Variants in PCDHA11 observed in about 807,000 individuals in gnomAD.
PCDHA11 encodes protocadherin alpha 11.
Under a neutral mutation model 70.3 loss-of-function variants are expected in PCDHA11, and 61 were observed. That is an observed-to-expected ratio of 0.87 (90% confidence interval 0.71 to 1.07). PCDHA11 has a LOEUF of 1.07. Among genes scored for constraint, PCDHA11 ranks in the 50% least tolerant of loss-of-function variants. The probability of loss-of-function intolerance (pLI) is 0.00; values close to 1 mark genes in which losing one functional copy is unlikely to be tolerated. For synonymous variants in PCDHA11, 633 were observed against 555.1 expected, an observed-to-expected ratio of 1.14 and a Z score of -1.97; for missense variants, 1,324 against 1,237.5, an observed-to-expected ratio of 1.07 and a Z score of -1.05.
chr5:140,914,364 A>T lies in PCDHA11; in HGVS notation c.2391+42870A>T, dbSNP rs1256559741. 2.0e-5 allele frequency among the ~76,000 whole-genome samples: 3 copies of T among 152,096 alleles called. No individual in the cohort carries two copies. The East Asian group carries it at 5.8e-4, about 29-fold the overall frequency. On this transcript the variant is annotated intron_variant, in intron 1 of 3. Transcript: ENST00000398640. ...CTCTTTTTGGAGTTTTTGTCTTGAG[A>T]TCTATTTTATCTGTTATAAGTGTAG...
At chr5:140,937,023 A>G (rs2091268625) in intron 1 of PCDHA11, among the ~76,000 whole-genome samples, 1 of 150,410 alleles carries the variant, frequency 6.6e-6, no homozygotes. Flanking sequence ...TTAACAAGGT[A>G]TATTCTTCCA....
chr5:140,876,754 C>T, intron 1 of PCDHA11: 2 of 1,614,210 alleles, frequency 1.2e-6, no homozygotes, highest in Non-Finnish European at 1.7e-6. Context: ...GGTGACTGCG[C>T]GGGATGGGGG....
chr5:140,896,227 A>G (rs1332090647), intron 1 of PCDHA11, among the ~76,000 whole-genome samples: 1 of 152,230 alleles, frequency 6.6e-6, no homozygotes, highest in Non-Finnish European at 1.5e-5. Flanking sequence ...TCTTTATAGT[A>G]GAATGACTTA....
In PCDHA11 at chr5:140,978,987, C is replaced by T; in HGVS notation, c.2430C>T (p.Ser810=). 4 of 1,614,162 alleles carry T rather than the reference C, an allele frequency of 2.5e-6. No homozygotes were observed. In the South Asian group the frequency reaches 3.3e-5, roughly 13 times the overall value. The change falls in exon 2 of 4, where the codon TCC becomes TCT. Residue 810 remains serine (S), a synonymous_variant. Transcript: ENST00000398640. ...QPNPDWRYSA[S]LRAGMHSSVH... ...ACCCTGACTGGCGTTACTCTGCCTC[C>T]CTGAGAGCAGGCATGCACAGGTATG...
chr5:141,010,525 C>A lies in PCDHA11; in HGVS notation c.*588C>A. On this transcript the variant is annotated 3_prime_UTR_variant, in exon 4 of 4. Coordinates refer to ENST00000398640, the MANE Select transcript of PCDHA11 (RefSeq NM_018902.5). ...CTAAATCTTACAACTCAAGAGGTGG[C>A]AGCCACCCTCTAGGAGACAAAACTA... 1 of 436,454 alleles carries A rather than the reference C, an allele frequency of 2.3e-6. No homozygotes were observed. The highest frequency in any genetic ancestry group is 3.9e-6 in the Non-Finnish European group (1 of 256,874). 27.0% of individuals were successfully genotyped at this position (436,454 alleles called of 1,614,324 possible).
At chr5:140,982,191 T>C (rs1431582069) in intron 2 of PCDHA11, among the ~76,000 whole-genome samples, 2 of 152,266 alleles carry the variant, frequency 1.3e-5, no homozygotes, top group Non-Finnish European at 2.9e-5. Flanking sequence ...ATGGGCTTCC[T>C]GTTAGATTTA....
At chr5:140,882,013 A>G (rs2058902739) in intron 1 of PCDHA11, 1 of 534,534 alleles carries the variant, frequency 1.9e-6, no homozygotes, top group African/African-American at 1.9e-5. Flanking sequence ...GCAAAAAAAT[A>G]CTACATCAAT....
chr5:140,897,949 G>A (rs2066421771), intron 1 of PCDHA11, among the ~76,000 whole-genome samples: 2 of 152,308 alleles, frequency 1.3e-5, no homozygotes, highest in African/African-American at 2.4e-5. Context: ...GTGATGATTA[G>A]CATTTTTTCA....
At chr5:140,925,189 C>A (rs1488098385) in intron 1 of PCDHA11, among the ~76,000 whole-genome samples, 2 of 152,116 alleles carry the variant, frequency 1.3e-5, no homozygotes, top group African/African-American at 4.8e-5. Flanking sequence ...TACCATCACC[C>A]AGCTTCAATA....
intron 1 of PCDHA11, among the ~76,000 whole-genome samples, chr5:140,955,497 A>T (rs879951352): frequency 2.0e-5 from 3 of 152,100 alleles, no homozygotes; most frequent in Non-Finnish European, 4.4e-5. Flanking sequence ...CCACCATGTG[A>T]AGAAAGACGT....
At chr5:140,941,216 T>TTTCTTTCTTTCC (rs782179127) in intron 1 of PCDHA11, among the ~76,000 whole-genome samples, 13 of 124,948 alleles carry the variant, frequency 1.0e-4, no homozygotes, top group Non-Finnish European at 1.8e-4. Context: ...TCTTTCTTCC[T>TTTCTTTCTTTCC]TTCTTTCTTT....
intron 1 of PCDHA11, among the ~76,000 whole-genome samples, chr5:140,906,368 T>C (rs1554192499): frequency 1.3e-5 from 2 of 152,198 alleles, no homozygotes. Flanking sequence ...CCAACCCAAA[T>C]GCTATTACAT....
intron 1 of PCDHA11, among the ~76,000 whole-genome samples, chr5:140,954,933 CTT>C (rs2095111807): frequency 6.6e-6 from 1 of 152,044 alleles, no homozygotes; most frequent in East Asian, 1.9e-4. Flanking sequence ...TTTAATTAAT[CTT>C]GAGTTAATTT....
intron 3 of PCDHA11, among the ~76,000 whole-genome samples, chr5:141,003,650 A>G (rs2098132767): frequency 6.6e-6 from 1 of 152,170 alleles, no homozygotes; most frequent in Admixed American, 6.5e-5. Flanking sequence ...GAAGATCTGT[A>G]TGCATTTATT....
chr5:141,007,481 T>C (rs2098332347), intron 3 of PCDHA11, among the ~76,000 whole-genome samples: 1 of 151,600 alleles, frequency 6.6e-6, no homozygotes, highest in Non-Finnish European at 1.5e-5. Context: ...GGCACGAGAA[T>C]TACTTGGACC....
intron 1 of PCDHA11, among the ~76,000 whole-genome samples, chr5:140,938,740 A>T (rs1308554709): frequency 1.3e-5 from 2 of 152,150 alleles, no homozygotes; most frequent in East Asian, 3.8e-4. Flanking sequence ...AAAAATAATT[A>T]TTTTTAAAGG....
At chr5:140,896,858 A>C (rs1448787828) in intron 1 of PCDHA11, among the ~76,000 whole-genome samples, 3 of 152,192 alleles carry the variant, frequency 2.0e-5, no homozygotes, top group Non-Finnish European at 4.4e-5. Context: ...TGGGTACATA[A>C]TAAGTGTACA....
At chr5:140,884,461 G>C in intron 1 of PCDHA11, 3 of 1,613,764 alleles carry the variant, frequency 1.9e-6, no homozygotes, top group Non-Finnish European at 2.5e-6. Context: ...CCGAGGGCGC[G>C]TGCGCGCCGG....
intron 1 of PCDHA11, chr5:140,969,314 G>T (rs200006206): frequency 6.2e-7 from 1 of 1,614,150 alleles, no homozygotes; most frequent in African/African-American, 1.3e-5. Context: ...CAAAAATGAG[G>T]CTGTTTCTCA....
Sources: allele counts gnomAD v4.1 joint callset (sites outside exome capture counted in the v4.1 genomes callset), GRCh38; gene constraint gnomAD v4.1.1; transcripts MANE v1.5; gene names NCBI Gene and HGNC (gene_info 2026-07-23, HGNC 2026-07-21).